NOC3L: variants seen among roughly 807,000 people sequenced by gnomAD.
NOC3L encodes the protein NOC3 like DNA replication regulator.
In NOC3L, 85 loss-of-function variants were observed where a neutral mutation model predicts 102.5. The ratio of observed to expected loss-of-function variants is 0.83; its 90% CI spans 0.70 to 0.99. NOC3L has a LOEUF of 0.99. Ranked by LOEUF, NOC3L falls within the 50% of genes least tolerant of loss-of-function variation. NOC3L has a pLI of 0.00. For missense variants in NOC3L, 878 were observed against 914.9 expected (o/e 0.96, Z 0.52); for synonymous variants, 303 against 309.4 (o/e 0.98, Z 0.22).
intron 13 of NOC3L, 80 bp from the exon 14 acceptor site, chr10:94,341,825 G>C: frequency 1.3e-6 from 1 of 758,288 alleles, no homozygotes; most frequent in Admixed American, 2.7e-5. Flanking sequence ...CTTTAAAACT[G>C]TATTTTTAAT....
chr10:94,342,377 T>C (rs2054295612), intron 13 of NOC3L, among the ~76,000 whole-genome samples: 2 of 152,298 alleles, frequency 1.3e-5, no homozygotes, highest in Admixed American at 1.3e-4. Context: ...ATCTCTTCAA[T>C]ATTAGCAAGA....
At chr10:94,318,199 T>G in the NOC3L span, among the ~76,000 whole-genome samples, 1 of 152,190 alleles carries the variant, frequency 6.6e-6, no homozygotes. Context: ...CTCTCCCTAT[T>G]AAGACACACT....
At chr10:94,324,744 C>A in the NOC3L span, 9 of 957,342 alleles carry the variant, frequency 9.4e-6, no homozygotes, top group Non-Finnish European at 1.5e-5. Flanking sequence ...GCCGAGCTTG[C>A]GGTTAAGCAG....
chr10:94,346,268 C>T (rs11187894), intron 11 of NOC3L, among the ~76,000 whole-genome samples, 157 bp downstream of exon 11: 36,670 of 152,078 alleles, frequency 0.24, 4,474 homozygotes, highest in Middle Eastern at 0.41. Flanking sequence ...GAAAACATTT[C>T]TTTGCAGTAA....
intron 3 of NOC3L, 90 bp from the exon 4 acceptor site, chr10:94,357,421 C>A: frequency 8.4e-7 from 1 of 1,196,868 alleles, no homozygotes; most frequent in Non-Finnish European, 1.1e-6. Context: ...GAAAAACCAC[C>A]AGCCAACTTT....
At chr10:94,327,480 CAGG>C in the NOC3L span, among the ~76,000 whole-genome samples, 3 of 152,144 alleles carry the variant, frequency 2.0e-5, no homozygotes, top group African/African-American at 4.8e-5. Context: ...GAGGCTGAGG[CAGG>C]AGAATTGCTT....
At chr10:94,362,550 T>C (rs115360317) in intron 1 of NOC3L, among the ~76,000 whole-genome samples, 3,233 of 152,274 alleles carry the variant, frequency 0.021, 42 homozygotes, top group South Asian at 0.04. Flanking sequence ...GCTTCTCATT[T>C]GTGAAAAACG....
intron 14 of NOC3L, among the ~76,000 whole-genome samples, chr10:94,340,935 C>T (rs1265715391): frequency 6.7e-6 from 1 of 148,994 alleles, no homozygotes; most frequent in African/African-American, 2.5e-5. Flanking sequence ...GAGCCGAGAT[C>T]ACGCCACTGC....
the NOC3L span, chr10:94,324,469 T>A: frequency 6.2e-7 from 1 of 1,614,148 alleles, no homozygotes; most frequent in East Asian, 2.2e-5. Flanking sequence ...ACCAAAGTCC[T>A]CTCAGCGGGT....
At chr10:94,328,154 C>G in the NOC3L span, 1 of 307,376 alleles carries the variant, frequency 3.3e-6, no homozygotes, top group Admixed American at 4.0e-5. Context: ...TGAATGAAGC[C>G]CAGGGGACTG....
chr10:94,327,140 G>A, the NOC3L span, among the ~76,000 whole-genome samples: 53 of 152,268 alleles, frequency 3.5e-4, no homozygotes, highest in African/African-American at 1.1e-3. Context: ...CCAGCCTAGC[G>A]ACAGAGCGAG....
At chr10:94,340,023 C>A in intron 16 of NOC3L, 103 bp from the exon 17 acceptor site, 2 of 1,007,114 alleles carry the variant, frequency 2.0e-6, no homozygotes, top group East Asian at 2.5e-5. Flanking sequence ...GTACCTGTCC[C>A]AAACCATTTC....
the NOC3L span, among the ~76,000 whole-genome samples, chr10:94,322,836 G>GCAGC: frequency 6.6e-6 from 1 of 151,676 alleles, no homozygotes; most frequent in East Asian, 1.9e-4. Context: ...TGCACCTGTA[G>GCAGC]TCCCTGCTAC....
Position 94,356,529 on chromosome 10 carries a change from T to C in NOC3L, c.565+6A>G, listed in dbSNP as rs1350986112. 2 of 1,550,442 alleles carry C rather than the reference T, an allele frequency of 1.3e-6. No individual in the cohort carries two copies. The highest frequency in any genetic ancestry group is 1.8e-6 in the Non-Finnish European group (2 of 1,124,002). On this transcript the variant is annotated splice_donor_region_variant and intron_variant, in intron 5 of 20. Coordinates refer to ENST00000371361, the MANE Select transcript of NOC3L (RefSeq NM_022451.11). ...TAACAATTTAGTAACTGTAAAGACA[T>C]ATTACCTTCCTCAAGTTCCCTCTCT...
At chr10:94,337,199 C>A (rs746067760) in intron 19 of NOC3L, among the ~76,000 whole-genome samples, 21 of 152,092 alleles carry the variant, frequency 1.4e-4, no homozygotes, top group Non-Finnish European at 2.6e-4. Context: ...GAGGTAGATG[C>A]TGGAAGTACC....
At chr10:94,360,401 C>A (rs1010415866) in intron 2 of NOC3L, among the ~76,000 whole-genome samples, 3 of 152,092 alleles carry the variant, frequency 2.0e-5, no homozygotes, top group African/African-American at 7.2e-5. Context: ...GAATGAGATC[C>A]TGTGTGCAAC....
the NOC3L span, among the ~76,000 whole-genome samples, chr10:94,318,777 C>G: frequency 6.6e-6 from 1 of 152,168 alleles, no homozygotes; most frequent in African/African-American, 2.4e-5. Context: ...TATACCACAA[C>G]AAGCTGGGCA....
intron 3 of NOC3L, 57 bp downstream of exon 3, chr10:94,358,026 A>T (rs1174919840): frequency 8.6e-7 from 1 of 1,156,284 alleles, no homozygotes; most frequent in Non-Finnish European, 1.3e-6. Flanking sequence ...TGAAATTCAG[A>T]ACCAAGTTTT....
chr10:94,349,886 G>T (rs1015437683), intron 9 of NOC3L, among the ~76,000 whole-genome samples: 1 of 152,066 alleles, frequency 6.6e-6, no homozygotes, highest in Admixed American at 6.6e-5. Flanking sequence ...AGCCTCCCAA[G>T]TAGCTGGGAC....
Sources: gnomAD v4.1 joint callset for allele counts (sites outside exome capture counted in the v4.1 genomes callset) on GRCh38, gnomAD v4.1.1 for gene constraint, MANE v1.5 for transcripts, NCBI Gene and HGNC (gene_info 2026-07-23, HGNC 2026-07-21) for gene names.